PLIN3: variants seen among roughly 807,000 people sequenced by gnomAD.
PLIN3 encodes perilipin-3.
Under a neutral mutation model 35.9 loss-of-function variants are expected in PLIN3, and 30 were observed. That is an observed-to-expected ratio of 0.84 (90% CI 0.62 to 1.13). The LOEUF is 1.13. Ranked by LOEUF, PLIN3 falls within the 50% of genes most tolerant of loss-of-function variation. The probability of loss-of-function intolerance (pLI) is 0.00; values close to 1 mark genes in which losing one functional copy is unlikely to be tolerated. For synonymous variants in PLIN3, 261 were observed against 262.5 expected (o/e 0.99, Z 0.06); for missense variants, 603 against 596.9 (o/e 1.01, Z -0.11).
chr19:4,862,962 G>C (rs1200775972), intron 1 of PLIN3, among the ~76,000 whole-genome samples: 1 of 151,714 alleles, frequency 6.6e-6, no homozygotes, highest in African/African-American at 2.4e-5. Context: ...TTCGAGTCCA[G>C]CCTGGCCAAC....
chr19:4,858,695 TTTTTGG>T (rs1390971410), intron 4 of PLIN3, among the ~76,000 whole-genome samples: 1 of 112,436 alleles, frequency 8.9e-6, no homozygotes, highest in African/African-American at 3.2e-5. Flanking sequence ...ATATGGTGTT[TTTTTGG>T]TTTTTTTTTT....
Position 4,844,679 on chromosome 19 carries a change from G to T in PLIN3, c.949C>A (p.Pro317Thr), listed in dbSNP as rs768621684. Reference protein sequence around the residue: ...KQLQGPEKEPPKPEQVESRAL... With the variant: ...KQLQGPEKEPTKPEQVESRAL... ...CCCCTCATGGGTACCTCTGGCTTGG[G>T]CGGCTCCTTCTCGGGGCCCTGGAGC... is the stretch of plus-strand genomic sequence containing the variant. Residue 317 changes from proline (P) to threonine (T), a missense_variant, in exon 7 of 8, where the codon CCC becomes ACC. Coordinates refer to ENST00000221957, the MANE Select transcript of PLIN3 (RefSeq NM_005817.5). 1.2e-5 allele frequency: 19 copies of T among 1,609,512 alleles called. No individual in the cohort carries two copies. In the South Asian group the frequency reaches 2.1e-4, roughly 18 times the overall value.
At chr19:4,852,733 C>T (rs1443398101) in intron 4 of PLIN3, among the ~76,000 whole-genome samples, 3 of 151,842 alleles carry the variant, frequency 2.0e-5, no homozygotes, top group African/African-American at 7.3e-5. Flanking sequence ...CTCTGTCTCC[C>T]GGGTTCAAGC....
At chr19:4,840,441 G>A (rs976579293) in intron 7 of PLIN3, among the ~76,000 whole-genome samples, 2 of 151,984 alleles carry the variant, frequency 1.3e-5, no homozygotes, top group African/African-American at 4.8e-5. Flanking sequence ...ATTTTCTGTA[G>A]AGCCAGGATC....
rs1293113465 is a variant in PLIN3 at position 4,839,019 on chromosome 19, G to C, written c.*173C>G. ...CTTCTTCCAAGCTCAGAGAGGCTGA[G>C]AGATGGGTCAACTGGGTGATGCCCG... On this transcript the variant is annotated 3_prime_UTR_variant, in exon 8 of 8. Transcript: ENST00000221957. The C allele has an allele frequency of 1.9e-6, 1 of 527,366 alleles. No homozygotes were observed. Among genetic ancestry groups the C allele is most frequent in the Non-Finnish European group, 3.4e-6 (1 of 297,230 alleles). The allele number at this position is 527,366 out of a possible 1,614,324, so 32.7% of individuals were successfully genotyped here.
intron 4 of PLIN3, among the ~76,000 whole-genome samples, chr19:4,857,239 A>C (rs1818223288): frequency 6.6e-6 from 1 of 151,890 alleles, no homozygotes; most frequent in African/African-American, 2.4e-5. Context: ...AGAGTTGGAG[A>C]CCGGCCTGGG....
chr19:4,841,932 A>G (rs2029906019), intron 7 of PLIN3, among the ~76,000 whole-genome samples: 1 of 150,242 alleles, frequency 6.7e-6, no homozygotes, highest in African/African-American at 2.5e-5. Flanking sequence ...AAAAAGAAAA[A>G]AAAAAGCTGT....
chr19:4,858,694 T>TTTTG (rs1491022013), intron 4 of PLIN3, among the ~76,000 whole-genome samples: 904 of 70,722 alleles, frequency 0.013, 82 homozygotes, highest in Middle Eastern at 0.026. Context: ...AATATGGTGT[T>TTTTG]TTTTTGGTTT....
chr19:4,849,271 C>T lies in PLIN3; in HGVS notation c.635-1381G>A, dbSNP rs145860112. On this transcript the variant is annotated intron_variant, in intron 5 of 7. Transcript: ENST00000221957. The stretch of plus-strand genomic sequence containing the variant: ...TACAGGTGTGAGCCATTGCACCTGG[C>T]TTCCTGTACCTTTTCTATGTTTAGA... 1.5e-3 allele frequency among the ~76,000 whole-genome samples: 221 copies of T among 151,984 alleles called. 3 individuals carry two copies. Among genetic ancestry groups the T allele is most frequent in the South Asian group, 2.5e-3 (12 of 4,822 alleles).
intron 6 of PLIN3, among the ~76,000 whole-genome samples, chr19:4,845,903 G>A (rs1398518774): frequency 1.1e-4 from 15 of 136,232 alleles, no homozygotes; most frequent in Non-Finnish European, 2.3e-4. Context: ...TCCAGCCTGG[G>A]TGACAGAGCG....
chr19:4,840,538 C>T (rs919510989), intron 7 of PLIN3, among the ~76,000 whole-genome samples: 2 of 152,138 alleles, frequency 1.3e-5, no homozygotes, highest in African/African-American at 4.8e-5. Context: ...CAGGCACGAG[C>T]CACTGCATTT....
At chr19:4,866,638 A>G (rs2030868239) in intron 1 of PLIN3, 2 of 152,358 alleles carry the variant, frequency 1.3e-5, no homozygotes, top group South Asian at 4.1e-4. Flanking sequence ...CCTACCTCCC[A>G]GTGATCATTG....
intron 6 of PLIN3, among the ~76,000 whole-genome samples, chr19:4,846,693 C>CG (rs1368491412): frequency 1.3e-5 from 2 of 151,692 alleles, no homozygotes; most frequent in Admixed American, 6.6e-5. Flanking sequence ...AGCGAGACTC[C>CG]GTTCAAAGAA....
intron 6 of PLIN3, among the ~76,000 whole-genome samples, 163 bp from the exon 7 acceptor site, chr19:4,844,956 G>A (rs1020799805): frequency 6.6e-6 from 1 of 152,176 alleles, no homozygotes; most frequent in African/African-American, 2.4e-5. Context: ...GAGCTCTGGG[G>A]CCTTTGGTTT....
chr19:4,848,850 G>A (rs540640961), intron 5 of PLIN3, among the ~76,000 whole-genome samples: 30 of 152,134 alleles, frequency 2.0e-4, no homozygotes, highest in Non-Finnish European at 3.4e-4. Context: ...CTGGGTGAGA[G>A]TGAGACTCCG....
intron 4 of PLIN3, among the ~76,000 whole-genome samples, chr19:4,856,787 C>T (rs559384677): frequency 1.3e-5 from 2 of 151,198 alleles, no homozygotes; most frequent in East Asian, 2.0e-4. Context: ...TCACTGCAAC[C>T]TCTTGCCTCC....
chr19:4,859,787 C>G (rs1219567045), intron 3 of PLIN3, 39 bp downstream of exon 3: 8 of 1,608,812 alleles, frequency 5.0e-6, no homozygotes, highest in Non-Finnish European at 6.0e-6. Context: ...AGGGAAATGA[C>G]CAGGAGGGGA....
intron 5 of PLIN3, among the ~76,000 whole-genome samples, chr19:4,849,598 A>G (rs1040414658): frequency 5.9e-5 from 9 of 151,824 alleles, no homozygotes; most frequent in African/African-American, 1.7e-4. Context: ...GCCTGGCCTC[A>G]TCCCATGTTC....
chr19:4,858,699 TGG>T (rs761723118), intron 4 of PLIN3, among the ~76,000 whole-genome samples: 44,681 of 105,734 alleles, frequency 0.42, 8,217 homozygotes, highest in Non-Finnish European at 0.48. Context: ...GGTGTTTTTT[TGG>T]TTTTTTTTTT....
Sources: gnomAD v4.1 joint callset for allele counts (sites outside exome capture counted in the v4.1 genomes callset) on GRCh38, gnomAD v4.1.1 for gene constraint, MANE v1.5 for transcripts, NCBI Gene and HGNC (gene_info 2026-07-23, HGNC 2026-07-21) for gene names.